CYP1B1: variants seen among roughly 807,000 people sequenced by gnomAD.
CYP1B1 encodes cytochrome P450 1B1.
A neutral mutation model predicts 29.9 loss-of-function variants in CYP1B1; 22 were observed. That is an observed-to-expected ratio of 0.74 (90% CI 0.53 to 1.05). CYP1B1 has a LOEUF of 1.05. Ranked by LOEUF, CYP1B1 falls within the 50% of genes least tolerant of loss-of-function variation. The pLI is 0.00. For missense variants in CYP1B1, 883 were observed against 746.9 expected, an observed-to-expected ratio of 1.18 and a Z score of -2.12; for synonymous variants, 375 against 320.0, an observed-to-expected ratio of 1.17 and a Z score of -1.83.
rs145142146 is a variant in CYP1B1 at position 38,074,663 on chromosome 2, G to T, written c.726C>A (p.Asp242Glu). ...GRTVGAGSLVDVMPWLQYFPN... is the reference protein window; with the variant it reads ...GRTVGAGSLVEVMPWLQYFPN... ...GGAAGTACTGCAGCCAGGGCATCAC[G>T]TCCACCAGGCTGCCCGCGCCCACCG... Residue 242 changes from aspartate to glutamate, a missense_variant, in exon 2 of 3, where the codon GAC (aspartate) becomes GAA (glutamate). Physicochemically the swap from Asp to Glu is conservative, Grantham distance 45. Transcript: ENST00000610745. 2 of 1,613,132 alleles carry T rather than the reference G, an allele frequency of 1.2e-6. No individual in the cohort carries two copies. The highest frequency in any genetic ancestry group is 1.7e-6 in the Non-Finnish European group (2 of 1,180,008).
At position 38,068,581 on chromosome 2, in the gene CYP1B1, A is replaced by C. The variant is rs964686364; in HGVS notation, c.*2141T>G. The C allele has an allele frequency of 8.8e-5, 20 of 227,692 alleles. No homozygotes were observed. The highest frequency in any genetic ancestry group is 1.3e-3 in the Middle Eastern group (1 of 770). The allele number at this position is 227,692 out of a possible 1,614,324, so 14.1% of individuals were successfully genotyped here. A position where few individuals can be genotyped will look rare whatever the true frequency, so the allele number is the denominator to read the frequency against. ...TATTTTGGAATGGCAAGTGCCAAAA[A>C]ATTTAAATGTACTGGGCAAGCCTGC... is the stretch of plus-strand genomic sequence containing the variant. On this transcript the variant is annotated 3_prime_UTR_variant, in exon 3 of 3. Transcript: ENST00000610745.
Position 38,074,823 on chromosome 2 carries a change from G to T in CYP1B1, c.566C>A (p.Ala189Asp), listed in dbSNP as rs763639315. The T allele has an allele frequency of 1.9e-6, 3 of 1,566,768 alleles. No individual in the cohort carries two copies. Among genetic ancestry groups the T allele is most frequent in the Non-Finnish European group, 2.6e-6 (3 of 1,156,632 alleles). The change falls in exon 2 of 3, where the codon GCC becomes GAC. Residue 189 changes from alanine to aspartate, a missense_variant. Ala to Asp is a moderately radical substitution (Grantham distance 126). Coordinates refer to ENST00000610745, the MANE Select transcript of CYP1B1 (RefSeq NM_000104.4). ...GGTCAGCGGCCTCGGGTCGAGGAAG[G>T]CGCCGTCCGCGCTGCCGCGCACCAG... ...ALLVRGSADG[A>D]FLDPRPLTVV... is the part of the protein sequence containing the mutation.
rs886055997 is a variant in CYP1B1 at position 38,071,152 on chromosome 2, T to C, written c.1202A>G (p.His401Arg). The stretch of plus-strand genomic sequence containing the variant: ...GACAGAGGTGTTGGCAGTGGTGGCA[T>C]GAGGAATAGTGACAGGCACAAAGCT... ...FSSFVPVTIPHATTANTSVLG... is the reference protein window; with the variant it reads ...FSSFVPVTIPRATTANTSVLG... Residue 401 changes from histidine to arginine, a missense_variant, in exon 3 of 3, where the codon CAT becomes CGT. By Grantham distance (29) the His-to-Arg change is conservative. Transcript: ENST00000610745. 2.5e-6 allele frequency: 4 copies of C among 1,613,726 alleles called. No individual in the cohort carries two copies. Among genetic ancestry groups the C allele is most frequent in the Non-Finnish European group, 3.4e-6 (4 of 1,179,876 alleles).
chr2:38,075,708 ACCACG>A lies in CYP1B1; in HGVS notation c.-2+67_-2+71del. On this transcript the variant is annotated intron_variant, in intron 1 of 2. Coordinates refer to ENST00000610745, the MANE Select transcript of CYP1B1 (RefSeq NM_000104.4). ...GCGCTTGATTTCCTTTAAAGTACCTACCACGCCACCCGCTACCTGTAATAATCCAT... is the reference window on the plus strand; with the variant it reads ...GCGCTTGATTTCCTTTAAAGTACCTACCACCCGCTACCTGTAATAATCCAT... 3.7e-5 allele frequency: 17 copies of A among 454,836 alleles called. No individual in the cohort carries two copies. In the South Asian group the frequency reaches 4.0e-4, roughly 11 times the overall value. 28.2% of individuals were successfully genotyped at this position (454,836 alleles called of 1,614,324 possible).
intron 2 of CYP1B1, among the ~76,000 whole-genome samples, chr2:38,073,258 G>A (rs1682463481): frequency 6.6e-6 from 1 of 152,198 alleles, no homozygotes; most frequent in Non-Finnish European, 1.5e-5. Context: ...TTTTAATAAG[G>A]AAAGAGTCAT....
At position 38,069,517 on chromosome 2, in the gene CYP1B1, T is replaced by A. The variant is rs1261543148; in HGVS notation, c.*1205A>T. The A allele has an allele frequency of 5.1e-6, 1 of 197,290 alleles. No individual in the cohort carries two copies. Among genetic ancestry groups the A allele is most frequent in the Non-Finnish European group, 1.0e-5 (1 of 95,378 alleles). 12.2% of individuals were successfully genotyped at this position (197,290 alleles called of 1,614,324 possible). A position where few individuals can be genotyped will look rare whatever the true frequency, so the allele number is the denominator to read the frequency against. On this transcript the variant is annotated 3_prime_UTR_variant, in exon 3 of 3. Transcript: ENST00000610745. ...ATGCCATGAATTTGGAATTTTAATA[T>A]ATTAATTAGGTTATTTTCAAAACAA... is the stretch of plus-strand genomic sequence containing the variant.
chr2:38,069,306 G>A lies in CYP1B1; in HGVS notation c.*1416C>T, dbSNP rs1004746104. ...AGAAACTTGGTCAGTTGTAATGGGA[G>A]TTCTGTCCCCAACTCTTGTCACCTC... On this transcript the variant is annotated 3_prime_UTR_variant, in exon 3 of 3. Transcript: ENST00000610745. 1 of 219,872 alleles carries A rather than the reference G, an allele frequency of 4.5e-6. No individual in the cohort carries two copies. Among genetic ancestry groups the A allele is most frequent in the Non-Finnish European group, 9.1e-6 (1 of 109,592 alleles). 13.6% of individuals were successfully genotyped at this position (219,872 alleles called of 1,614,324 possible).
In CYP1B1 at chr2:38,074,465, C is replaced by T. The variant is rs749928652; in HGVS notation, c.924G>A (p.Ser308=). The T allele has an allele frequency of 6.2e-7, 1 of 1,613,004 alleles. No homozygotes were observed. Among genetic ancestry groups the T allele is most frequent in the South Asian group, 1.1e-5 (1 of 90,936 alleles). ...AATCCAGCCGCGCGCCACCACCGTG[C>T]GAGTCCCCGGCCGCCTTCTTTTCCG... ...LSAEKKAAGD[S]HGGGARLDLE... is the part of the protein sequence containing the mutation. Residue 308 remains serine (S), a synonymous_variant, in exon 2 of 3, where the codon TCG becomes TCA. Coordinates refer to ENST00000610745, the MANE Select transcript of CYP1B1 (RefSeq NM_000104.4).
intron 2 of CYP1B1, 105 bp from the exon 3 acceptor site, chr2:38,071,415 GCTAT>G (rs1471791812): frequency 4.9e-5 from 50 of 1,021,232 alleles, no homozygotes; most frequent in Non-Finnish European, 6.3e-5. Context: ...TCTTAAATAG[GCTAT>G]CTAGCTCAGT....
chr2:38,072,658 A>G (rs1216130461), intron 2 of CYP1B1, among the ~76,000 whole-genome samples: 2 of 152,236 alleles, frequency 1.3e-5, no homozygotes, highest in Non-Finnish European at 2.9e-5. Context: ...ATTATATTGC[A>G]GGAGTCTGCC....
At chr2:38,072,594 A>C (rs565228965) in intron 2 of CYP1B1, among the ~76,000 whole-genome samples, 1 of 152,344 alleles carries the variant, frequency 6.6e-6, no homozygotes, top group South Asian at 2.1e-4. Flanking sequence ...TCCGAAAAAA[A>C]ATGTATACAC....
rs1682484263 is a variant in CYP1B1 at position 38,074,345 on chromosome 2, C to T, written c.1043+1G>A. ...TGGCCCACGCCTCCCAGAGGCTTTA[C>T]CTGGTGAAGAGGAGGAGCAGCCACT... On this transcript the variant is annotated splice_donor_variant, in intron 2 of 2. Transcript: ENST00000610745. LOFTEE classifies it high-confidence loss of function. The T allele has an allele frequency of 6.2e-7, 1 of 1,612,990 alleles. No individual in the cohort carries two copies. Among genetic ancestry groups the T allele is most frequent in the African/African-American group, 1.3e-5 (1 of 74,940 alleles).
chr2:38,074,303 T>C (rs2125315894), intron 2 of CYP1B1, 43 bp downstream of exon 2: 1 of 1,601,126 alleles, frequency 6.2e-7, no homozygotes, highest in East Asian at 2.2e-5. Context: ...TCCGCCTTTT[T>C]CAGAGGAGAA....
chr2:38,074,336 G>T lies in CYP1B1; in HGVS notation c.1043+10C>A, dbSNP rs1171363090. On this transcript the variant is annotated intron_variant, in intron 2 of 2. Coordinates refer to ENST00000610745, the MANE Select transcript of CYP1B1 (RefSeq NM_000104.4). ...GAAAAGACCTGGCCCACGCCTCCCAGAGGCTTTACCTGGTGAAGAGGAGGA... is the reference window on the plus strand; with the variant it reads ...GAAAAGACCTGGCCCACGCCTCCCATAGGCTTTACCTGGTGAAGAGGAGGA... 1.9e-6 allele frequency: 3 copies of T among 1,612,880 alleles called. No individual in the cohort carries two copies. Among genetic ancestry groups the T allele is most frequent in the Non-Finnish European group, 2.5e-6 (3 of 1,179,894 alleles).
rs906089087 is a variant in CYP1B1 at position 38,068,333 on chromosome 2, C to G, written c.*2389G>C. On this transcript the variant is annotated 3_prime_UTR_variant, in exon 3 of 3. Coordinates refer to ENST00000610745, the MANE Select transcript of CYP1B1 (RefSeq NM_000104.4). ...TTAAATAAGCCAGGTAAACTCCAAG[C>G]ACCTTACTTTCTTCCATATAAACAC... is the stretch of plus-strand genomic sequence containing the variant. The G allele has an allele frequency of 4.4e-6, 1 of 225,718 alleles. No homozygotes were observed. Among genetic ancestry groups the G allele is most frequent in the African/African-American group, 2.2e-5 (1 of 44,928 alleles). 14.0% of individuals were successfully genotyped at this position (225,718 alleles called of 1,614,324 possible). A position where few individuals can be genotyped will look rare whatever the true frequency, so the allele number is the denominator to read the frequency against.
rs564036033 is a variant in CYP1B1 at position 38,070,675 on chromosome 2, C to T, written c.*47G>A. On this transcript the variant is annotated 3_prime_UTR_variant, in exon 3 of 3. Coordinates refer to ENST00000610745, the MANE Select transcript of CYP1B1 (RefSeq NM_000104.4). Reference sequence around the variant, plus strand: ...AAAAAAACTGAATTTTACTCCTCATCTCCGAAGATGTGAATATTTCTAAAA... The same window carrying T: ...AAAAAAACTGAATTTTACTCCTCATTTCCGAAGATGTGAATATTTCTAAAA... 262 of 1,544,582 alleles carry T rather than the reference C, an allele frequency of 1.7e-4. 5 individuals carry two copies. The South Asian group carries it at 2.8e-3, about 17-fold the overall frequency.
chr2:38,075,149 G>A lies in CYP1B1; in HGVS notation c.240C>T (p.Arg80=), dbSNP rs1377778379. 2 of 1,574,596 alleles carry A rather than the reference G, an allele frequency of 1.3e-6. No homozygotes were observed. Among genetic ancestry groups the A allele is most frequent in the Non-Finnish European group, 1.7e-6 (2 of 1,167,946 alleles). The change falls in exon 2 of 3, where the codon CGC becomes CGT. Residue 80 remains arginine, a synonymous_variant. Coordinates refer to ENST00000610745, the MANE Select transcript of CYP1B1 (RefSeq NM_000104.4). ...GGCGGATCTGGAAAACGTCGCCGTA[G>A]CGCCGCGCCAGGCGAGCGAACGAGA... ...AHLSFARLAR[R]YGDVFQIRLG...
chr2:38,074,281 T>TTCTG (rs1356735824), intron 2 of CYP1B1, 65 bp downstream of exon 2: 17 of 1,554,746 alleles, frequency 1.1e-5, no homozygotes, highest in Non-Finnish European at 1.5e-5. Flanking sequence ...ACTCAGCATA[T>TTCTG]TCTGTCTCTA....
chr2:38,070,574 C>T lies in CYP1B1; in HGVS notation c.*148G>A. On this transcript the variant is annotated 3_prime_UTR_variant, in exon 3 of 3. Coordinates refer to ENST00000610745, the MANE Select transcript of CYP1B1 (RefSeq NM_000104.4). ...TCATGAAGAACCGCTGGGTATGGAG[C>T]ACACCTCACCTGATGGACAGTTGAT... 1.3e-6 allele frequency: 1 copy of T among 745,276 alleles called. No individual in the cohort carries two copies. Among genetic ancestry groups the T allele is most frequent in the Non-Finnish European group, 2.3e-6 (1 of 440,172 alleles). 46.2% of individuals were successfully genotyped at this position (745,276 alleles called of 1,614,324 possible).
Sources: gnomAD v4.1 joint callset for allele counts (sites outside exome capture counted in the v4.1 genomes callset) on GRCh38, gnomAD v4.1.1 for gene constraint, MANE v1.5 for transcripts, NCBI Gene and HGNC (gene_info 2026-07-23, HGNC 2026-07-21) for gene names.